The following GRID2 variants were observed in gnomAD, a reference collection of about 807,000 sequenced individuals.
GRID2 encodes glutamate receptor ionotropic, delta-2.
A neutral mutation model predicts 114.8 loss-of-function variants in GRID2; 33 were observed. The observed-to-expected ratio is 0.29, with a 90% CI of 0.22 to 0.38. The LOEUF (loss-of-function observed/expected upper bound fraction) is 0.38, where lower values mean the gene tolerates loss of function less well. GRID2 is among the 10% of genes least tolerant of loss of function. GRID2 has a pLI of 1.00. For missense variants in GRID2, 1,184 were observed against 1,257.7 expected, an observed-to-expected ratio of 0.94 and a Z score of 0.89; for synonymous variants, 505 against 449.9, an observed-to-expected ratio of 1.12 and a Z score of -1.55.
At chr4:93,533,697 G>A (rs186644517) in intron 13 of GRID2, among the ~76,000 whole-genome samples, 1 of 151,618 alleles carries the variant, frequency 6.6e-6, no homozygotes, top group African/African-American at 2.4e-5. Flanking sequence ...GCCCCTGTAG[G>A]TTTTTTATTT....
intron 1 of GRID2, among the ~76,000 whole-genome samples, chr4:92,464,211 A>G (rs899797417): frequency 1.3e-5 from 2 of 152,066 alleles, no homozygotes; most frequent in Non-Finnish European, 1.5e-5. Context: ...AATGAGAAAG[A>G]TAGTGGAAAT....
intron 2 of GRID2, among the ~76,000 whole-genome samples, chr4:92,697,773 T>C (rs1437161372): frequency 6.6e-6 from 1 of 152,072 alleles, no homozygotes; most frequent in Admixed American, 6.6e-5. Context: ...ACACTCTTAA[T>C]TGATATAGAG....
At chr4:93,785,469 A>G (rs1462186836) in intron 1 of GRID2, among the ~76,000 whole-genome samples, 1 of 152,180 alleles carries the variant, frequency 6.6e-6, no homozygotes, top group Admixed American at 6.5e-5. Flanking sequence ...AGATCATGTG[A>G]CCAGTATAGG....
intron 8 of GRID2, among the ~76,000 whole-genome samples, chr4:93,252,559 T>C (rs1749089126): frequency 6.6e-6 from 1 of 152,138 alleles, no homozygotes; most frequent in African/African-American, 2.4e-5. Context: ...GGCTCTTCTT[T>C]GGTTCCATAA....
At chr4:92,740,838 C>T (rs1352951047) in intron 2 of GRID2, among the ~76,000 whole-genome samples, 1 of 152,100 alleles carries the variant, frequency 6.6e-6, no homozygotes, top group Non-Finnish European at 1.5e-5. Flanking sequence ...CCTCCGCCTC[C>T]TGGGTTCAAG....
At chr4:92,831,563 A>G (rs1424845652) in intron 2 of GRID2, among the ~76,000 whole-genome samples, 1 of 150,836 alleles carries the variant, frequency 6.6e-6, no homozygotes, top group Non-Finnish European at 1.5e-5. Context: ...TTCCTTATCT[A>G]TAAAATGATT....
At chr4:92,773,753 C>T (rs984491050) in intron 2 of GRID2, among the ~76,000 whole-genome samples, 2 of 151,852 alleles carry the variant, frequency 1.3e-5, no homozygotes, top group African/African-American at 4.8e-5. Flanking sequence ...CACTATATCC[C>T]TTAGCAATCA....
intron 1 of GRID2, among the ~76,000 whole-genome samples, chr4:92,557,153 G>A (rs1262669107): frequency 6.6e-6 from 1 of 151,932 alleles, no homozygotes; most frequent in Non-Finnish European, 1.5e-5. Context: ...AAAATTTTCA[G>A]CAGTAAAAGA....
At chr4:93,014,487 A>G (rs1430332797) in intron 2 of GRID2, among the ~76,000 whole-genome samples, 1 of 152,116 alleles carries the variant, frequency 6.6e-6, no homozygotes, top group Non-Finnish European at 1.5e-5. Context: ...AGGCTGGTAT[A>G]TGAAGAATTA....
intron 1 of GRID2, among the ~76,000 whole-genome samples, chr4:93,800,535 G>T (rs1292693792): frequency 6.6e-6 from 1 of 152,000 alleles, no homozygotes; most frequent in African/African-American, 2.4e-5. Context: ...TTAAAGATTT[G>T]GTTCTTATTT....
chr4:92,840,655 CT>C (rs1742821981), intron 2 of GRID2, among the ~76,000 whole-genome samples: 1 of 151,970 alleles, frequency 6.6e-6, no homozygotes. Flanking sequence ...ATCCTAAAAG[CT>C]TTCATTGAGC....
chr4:93,340,698 G>T (rs2149245620), intron 8 of GRID2, among the ~76,000 whole-genome samples: 1 of 152,258 alleles, frequency 6.6e-6, no homozygotes, highest in Middle Eastern at 3.4e-3. Flanking sequence ...GAGGTAAGAG[G>T]TCCACTATTA....
intron 2 of GRID2, among the ~76,000 whole-genome samples, chr4:92,648,282 G>A (rs1423322706): frequency 6.7e-6 from 1 of 149,504 alleles, no homozygotes; most frequent in East Asian, 1.9e-4. Flanking sequence ...AATTATTAGT[G>A]TGCATACGGG....
At chr4:93,058,265 C>T (rs897875175) in intron 2 of GRID2, among the ~76,000 whole-genome samples, 3 of 151,854 alleles carry the variant, frequency 2.0e-5, no homozygotes, top group African/African-American at 7.3e-5. Flanking sequence ...TTCAAGAAGC[C>T]AATTTTTCTG....
At chr4:93,119,503 A>G (rs1042600088) in intron 4 of GRID2, among the ~76,000 whole-genome samples, 3 of 152,126 alleles carry the variant, frequency 2.0e-5, no homozygotes, top group Non-Finnish European at 2.9e-5. Flanking sequence ...AGGAAGTTTT[A>G]CTATTTATAC....
intron 13 of GRID2, among the ~76,000 whole-genome samples, chr4:93,539,851 T>C (rs576136439): frequency 2.6e-5 from 4 of 152,162 alleles, no homozygotes; most frequent in Admixed American, 6.6e-5. Flanking sequence ...GTATCTCTTC[T>C]TGGTTCCTTG....
intron 13 of GRID2, among the ~76,000 whole-genome samples, chr4:93,535,719 C>T (rs1578209334): frequency 6.6e-6 from 1 of 151,814 alleles, no homozygotes; most frequent in Non-Finnish European, 1.5e-5. Context: ...CTATTCAGTC[C>T]CTTTGCCCAT....
chr4:92,361,400 G>GA (rs968126294), intron 1 of GRID2, among the ~76,000 whole-genome samples: 2 of 151,782 alleles, frequency 1.3e-5, no homozygotes, highest in Non-Finnish European at 2.9e-5. Context: ...TTGTATATTA[G>GA]AAAAAAAATT....
intron 1 of GRID2, among the ~76,000 whole-genome samples, chr4:92,441,847 G>C (rs1733107064): frequency 6.6e-6 from 1 of 152,040 alleles, no homozygotes; most frequent in Non-Finnish European, 1.5e-5. Context: ...CGCAAAGGAG[G>C]CTTTGGATTG....
Sources: gnomAD v4.1 joint callset for allele counts (sites outside exome capture counted in the v4.1 genomes callset) on GRCh38, gnomAD v4.1.1 for gene constraint, MANE v1.5 for transcripts, NCBI Gene and HGNC (gene_info 2026-07-23, HGNC 2026-07-21) for gene names.